The following UGT8 variants were observed in gnomAD, a reference collection of about 807,000 sequenced individuals.
UGT8 encodes UDP glycosyltransferase 8, also known as 2-hydroxyacylsphingosine 1-beta-galactosyltransferase.
In UGT8, 12 loss-of-function variants were observed where a neutral mutation model predicts 40.5. That is an observed-to-expected ratio of 0.30 (90% CI 0.19 to 0.48). UGT8 has a LOEUF of 0.48. Among genes scored for constraint, UGT8 ranks in the 20% least tolerant of loss-of-function variants. UGT8 has a pLI of 0.99. For synonymous variants in UGT8, 224 were observed against 240.4 expected (o/e 0.93, Z 0.63); for missense variants, 513 against 648.7 (o/e 0.79, Z 2.27).
At chr4:114,601,919 C>T (rs1008735434) in intron 1 of UGT8, among the ~76,000 whole-genome samples, 3 of 150,848 alleles carry the variant, frequency 2.0e-5, no homozygotes, top group African/African-American at 7.3e-5. Context: ...GCTCTATTAT[C>T]TGTTGTCTTT....
chr4:114,667,756 T>A (rs1734980161), intron 4 of UGT8: 1 of 391,700 alleles, frequency 2.6e-6, no homozygotes, highest in South Asian at 1.1e-4. Flanking sequence ...ACTCTGGTAT[T>A]GTTTGGCATT....
chr4:114,667,956 T>C, intron 4 of UGT8, 129 bp from the exon 5 acceptor site: 1 of 1,440,160 alleles, frequency 6.9e-7, no homozygotes, highest in Non-Finnish European at 9.1e-7. Context: ...ATCAGTGAAA[T>C]TACACCTTTA....
intron 4 of UGT8, among the ~76,000 whole-genome samples, chr4:114,666,053 A>G (rs1734849667): frequency 6.6e-6 from 1 of 152,140 alleles, no homozygotes; most frequent in Non-Finnish European, 1.5e-5. Context: ...TGAACTATAT[A>G]AATTAGTAGT....
intron 2 of UGT8, among the ~76,000 whole-genome samples, chr4:114,629,335 CTGTT>C (rs546866148): frequency 2.0e-4 from 31 of 152,184 alleles, no homozygotes; most frequent in African/African-American, 7.2e-4. Flanking sequence ...ACTTTAACTA[CTGTT>C]TGTTTGTTTG....
Position 114,623,095 on chromosome 4 carries a change from G to A in UGT8, c.215G>A (p.Arg72His), listed in dbSNP as rs141798376. The A allele has an allele frequency of 1.4e-5, 23 of 1,613,982 alleles. No homozygotes were observed. Among genetic ancestry groups the A allele is most frequent in the Middle Eastern group, 1.6e-4 (1 of 6,084 alleles). The change falls in exon 2 of 6, where the codon CGC (arginine) becomes CAC (histidine). Residue 72 changes from arginine to histidine, a missense_variant. Physicochemically the swap from Arg to His is conservative, Grantham distance 29. Transcript: ENST00000310836. ...IAPSNHYSLQ[R>H]YPGIFNSTTS... Reference sequence around the variant, plus strand: ...CCATCTAATCATTACAGCCTCCAGCGCTACCCAGGGATCTTTAACAGTACC... The same window carrying A: ...CCATCTAATCATTACAGCCTCCAGCACTACCCAGGGATCTTTAACAGTACC...
intron 2 of UGT8, among the ~76,000 whole-genome samples, chr4:114,662,152 A>G (rs1249606061): frequency 6.6e-6 from 1 of 152,206 alleles, no homozygotes; most frequent in Non-Finnish European, 1.5e-5. Context: ...TGATAAAACT[A>G]TCATAAGTTG....
chr4:114,670,993 G>T (rs757318277), intron 5 of UGT8, among the ~76,000 whole-genome samples: 3 of 152,010 alleles, frequency 2.0e-5, no homozygotes, highest in Non-Finnish European at 2.9e-5. Flanking sequence ...TGCAAAAATC[G>T]CAAGCATTCT....
chr4:114,657,497 T>C (rs1158574005), intron 2 of UGT8, among the ~76,000 whole-genome samples: 1 of 152,186 alleles, frequency 6.6e-6, no homozygotes, highest in African/African-American at 2.4e-5. Flanking sequence ...AGCGTAATTG[T>C]AGTTTATACC....
Position 114,677,693 on chromosome 4 carries a change from G to A in UGT8, c.*1405G>A, listed in dbSNP as rs1735738863. 6.6e-6 allele frequency: 1 copy of A among 152,208 alleles called. No homozygotes were observed. Among genetic ancestry groups the A allele is most frequent in the African/African-American group, 2.4e-5 (1 of 41,460 alleles). 9.4% of individuals were successfully genotyped at this position (152,208 alleles called of 1,614,324 possible). A position where few individuals can be genotyped will look rare whatever the true frequency, so the allele number is the denominator to read the frequency against. On this transcript the variant is annotated 3_prime_UTR_variant, in exon 6 of 6. Coordinates refer to ENST00000310836, the MANE Select transcript of UGT8 (RefSeq NM_001128174.3). ...ATGTCATTCTGTTTACTTAGCACTT[G>A]CACTACCCTTGTTGGTTGAGTGTAT...
intron 2 of UGT8, among the ~76,000 whole-genome samples, chr4:114,637,651 A>C (rs1434083869): frequency 6.6e-6 from 1 of 152,192 alleles, no homozygotes; most frequent in African/African-American, 2.4e-5. Flanking sequence ...TAAATGCCAA[A>C]ATGTCCAGGA....
intron 1 of UGT8, among the ~76,000 whole-genome samples, chr4:114,599,926 G>T (rs879370785): frequency 3.3e-5 from 5 of 152,148 alleles, no homozygotes; most frequent in Admixed American, 2.6e-4. Context: ...TTAATTGAGG[G>T]TTTATAAAAT....
intron 5 of UGT8, among the ~76,000 whole-genome samples, chr4:114,674,365 T>A (rs1735486237): frequency 6.6e-6 from 1 of 152,174 alleles, no homozygotes; most frequent in South Asian, 2.1e-4. Flanking sequence ...CCCTTCACAT[T>A]TAATCCACAC....
chr4:114,602,793 G>T (rs1730517000), intron 1 of UGT8, among the ~76,000 whole-genome samples: 1 of 152,198 alleles, frequency 6.6e-6, no homozygotes, highest in South Asian at 2.1e-4. Flanking sequence ...TTCTTAGAGG[G>T]TGACATAAAA....
chr4:114,599,350 C>G (rs951391705), intron 1 of UGT8, among the ~76,000 whole-genome samples: 3 of 152,040 alleles, frequency 2.0e-5, no homozygotes, highest in South Asian at 4.1e-4. Flanking sequence ...GTACTTGACC[C>G]CTGAAGGGAT....
intron 1 of UGT8, among the ~76,000 whole-genome samples, chr4:114,600,321 C>G (rs897668284): frequency 6.6e-6 from 1 of 152,170 alleles, no homozygotes; most frequent in Non-Finnish European, 1.5e-5. Context: ...TCACCTTGTA[C>G]TACCAGTTTT....
chr4:114,675,813 A>G, intron 5 of UGT8, 112 bp from the exon 6 acceptor site: 1 of 1,276,078 alleles, frequency 7.8e-7, no homozygotes, highest in Admixed American at 2.5e-5. Flanking sequence ...CATGCAAGGT[A>G]CTTACTAAAG....
intron 1 of UGT8, among the ~76,000 whole-genome samples, chr4:114,608,447 C>G (rs1578400556): frequency 1.3e-5 from 2 of 152,234 alleles, no homozygotes; most frequent in African/African-American, 2.4e-5. Context: ...GGTAAGTTTC[C>G]TAATTTTCTA....
chr4:114,613,137 T>C (rs1300050482), intron 1 of UGT8, among the ~76,000 whole-genome samples: 1 of 152,166 alleles, frequency 6.6e-6, no homozygotes, highest in Non-Finnish European at 1.5e-5. Context: ...GATCCATAGA[T>C]GCATGCTGCA....
intron 2 of UGT8, among the ~76,000 whole-genome samples, chr4:114,641,880 A>G (rs1733245174): frequency 6.6e-6 from 1 of 152,172 alleles, no homozygotes; most frequent in Non-Finnish European, 1.5e-5. Flanking sequence ...TAGACATTAT[A>G]TTTTTCGATA....
Sources: gnomAD v4.1 joint callset for allele counts (sites outside exome capture counted in the v4.1 genomes callset) on GRCh38, gnomAD v4.1.1 for gene constraint, MANE v1.5 for transcripts, NCBI Gene and HGNC (gene_info 2026-07-23, HGNC 2026-07-21) for gene names.